Variants in PPME1 observed in about 807,000 individuals in gnomAD.
The protein encoded by PPME1 is testicular secretory protein Li 39.
A neutral mutation model predicts 56.9 loss-of-function variants in PPME1; 17 were observed. The observed-to-expected ratio is 0.30, with a 90% CI of 0.20 to 0.45. PPME1 has a LOEUF of 0.45. Ranked by LOEUF, PPME1 falls within the 20% of genes least tolerant of loss-of-function variation. The pLI is 1.00. For synonymous variants in PPME1, 122 were observed against 156.2 expected, an observed-to-expected ratio of 0.78 and a Z score of 1.63; for missense variants, 357 against 483.2, an observed-to-expected ratio of 0.74 and a Z score of 2.45.
intron 1 of PPME1, among the ~76,000 whole-genome samples, chr11:74,202,753 A>G (rs1000792206): frequency 6.6e-6 from 1 of 152,158 alleles, no homozygotes; most frequent in African/African-American, 2.4e-5. Flanking sequence ...ATATTTTTTA[A>G]TAATACATGA....
At chr11:74,240,428 CAA>C (rs1001951538) in intron 9 of PPME1, among the ~76,000 whole-genome samples, 1 of 152,116 alleles carries the variant, frequency 6.6e-6, no homozygotes, top group African/African-American at 2.4e-5. Flanking sequence ...GTAGTGGTAA[CAA>C]GTGCTTTTTT....
chr11:74,206,778 G>C (rs1183331650), intron 3 of PPME1, among the ~76,000 whole-genome samples: 1 of 152,054 alleles, frequency 6.6e-6, no homozygotes, highest in South Asian at 2.1e-4. Flanking sequence ...TGTTCCCCAG[G>C]GTGGTGTCAA....
chr11:74,197,563 T>C (rs1412610920), intron 1 of PPME1, among the ~76,000 whole-genome samples: 2 of 152,132 alleles, frequency 1.3e-5, no homozygotes, highest in African/African-American at 4.8e-5. Context: ...TCCCCTAACA[T>C]GAAGAAACTC....
In PPME1 at chr11:74,253,842, C is replaced by T. The variant is rs1056719964; in HGVS notation, c.*332C>T. The T allele has an allele frequency of 1.3e-5, 6 of 463,310 alleles. No homozygotes were observed. The highest frequency in any genetic ancestry group is 3.9e-5 in the African/African-American group (2 of 50,888). 28.7% of individuals were successfully genotyped at this position (463,310 alleles called of 1,614,324 possible). A position where few individuals can be genotyped will look rare whatever the true frequency, so the allele number is the denominator to read the frequency against. ...CTGAGCCCCTCTTCCTAGCATCAGG[C>T]GATACATCTGAGTTCAAATGTCTTC... is the stretch of plus-strand genomic sequence containing the variant. On this transcript the variant is annotated 3_prime_UTR_variant, in exon 14 of 14. Coordinates refer to ENST00000328257, the MANE Select transcript of PPME1 (RefSeq NM_016147.3).
At chr11:74,174,450 TA>T (rs992874162) in intron 1 of PPME1, among the ~76,000 whole-genome samples, 33 of 152,240 alleles carry the variant, frequency 2.2e-4, no homozygotes, top group Admixed American at 1.2e-3. Context: ...TATGTCTCCT[TA>T]TGCTTACTTG....
intron 7 of PPME1, among the ~76,000 whole-genome samples, chr11:74,235,162 T>C (rs1440152584): frequency 2.0e-5 from 3 of 152,212 alleles, no homozygotes; most frequent in African/African-American, 7.2e-5. Context: ...AAGAAGTGCT[T>C]TCTCCTAGTG....
chr11:74,214,786 G>T (rs756534099), intron 3 of PPME1, among the ~76,000 whole-genome samples: 20 of 152,030 alleles, frequency 1.3e-4, no homozygotes, highest in Non-Finnish European at 2.1e-4. Flanking sequence ...ACAAAAGCTG[G>T]AGGATTTCAT....
chr11:74,253,574 C>CT lies in PPME1; in HGVS notation c.*65dup, dbSNP rs1859760106. 5 of 1,521,784 alleles carry CT rather than the reference C, an allele frequency of 3.3e-6. No individual in the cohort carries two copies. The highest frequency in any genetic ancestry group is 1.7e-4 in the Middle Eastern group (1 of 5,918). 94.3% of individuals were successfully genotyped at this position (1,521,784 alleles called of 1,614,324 possible). A position where few individuals can be genotyped will look rare whatever the true frequency, so the allele number is the denominator to read the frequency against. On this transcript the variant is annotated 3_prime_UTR_variant, in exon 14 of 14. Coordinates refer to ENST00000328257, the MANE Select transcript of PPME1 (RefSeq NM_016147.3). ...TGTAAATACGTCGCACCAGAGGCCA[C>CT]TGTGATGCCACTGTCTCCTCTCCAT...
chr11:74,191,450 AACC>A (rs1402625770), intron 1 of PPME1, among the ~76,000 whole-genome samples: 1 of 152,234 alleles, frequency 6.6e-6, no homozygotes, highest in Non-Finnish European at 1.5e-5. Context: ...GCTTTGGAGT[AACC>A]ACTTACTAGA....
chr11:74,230,992 A>G lies in PPME1; in HGVS notation c.634A>G (p.Ile212Val), dbSNP rs183405413. 3.1e-5 allele frequency: 49 copies of G among 1,595,336 alleles called. No individual in the cohort carries two copies. In the Admixed American group the frequency reaches 3.5e-4, roughly 11 times the overall value. Residue 212 changes from isoleucine (I) to valine (V), a missense_variant, in exon 7 of 14, where the codon ATT becomes GTT. Coordinates refer to ENST00000328257, the MANE Select transcript of PPME1 (RefSeq NM_016147.3). This position sits in a 1 kb window ranked among gnomAD's most constrained non-coding sequence, Gnocchi z 4.9. ...AACCTTCAAGTCTCTGGAGAATGCT[A>G]TTGAATGGAGGTAACCAACAAATCT... ...PKTFKSLENA[I>V]EWSVKSGQIR...
Position 74,191,469 on chromosome 11 carries a change from T to G in PPME1, c.102-12259T>G, listed in dbSNP as rs75630010. Among the ~76,000 whole-genome samples the G allele has an allele frequency of 1.0e-3, 157 of 152,298 alleles. 3 individuals are homozygous for G. In the East Asian group the frequency reaches 0.027, roughly 26 times the overall value. On this transcript the variant is annotated intron_variant, in intron 1 of 13. Coordinates refer to ENST00000328257, the MANE Select transcript of PPME1 (RefSeq NM_016147.3). ...TGGAGTAACCACTTACTAGAGAGAT[T>G]TGCATGACTAAAAGGGAACCAATTG...
intron 4 of PPME1, among the ~76,000 whole-genome samples, chr11:74,224,617 C>T: frequency 7.3e-6 from 1 of 137,490 alleles, no homozygotes; most frequent in Admixed American, 7.2e-5. Flanking sequence ...TCTTTTATTT[C>T]CTTGAGCAGT....
At chr11:74,234,154 G>C (rs1005904974) in intron 7 of PPME1, among the ~76,000 whole-genome samples, 5 of 152,244 alleles carry the variant, frequency 3.3e-5, no homozygotes, top group Admixed American at 6.5e-5. Context: ...CAAGCAATTG[G>C]GTGAATGGTA....
chr11:74,220,098 A>G (rs1220111935), intron 3 of PPME1, among the ~76,000 whole-genome samples: 8 of 152,150 alleles, frequency 5.3e-5, no homozygotes, highest in African/African-American at 9.7e-5. Flanking sequence ...AAATTAGCCA[A>G]AATTAAGTTT....
chr11:74,251,822 C>A, intron 13 of PPME1, 107 bp downstream of exon 13: 2 of 1,370,112 alleles, frequency 1.5e-6, no homozygotes, highest in Non-Finnish European at 2.1e-6. Context: ...CTGGTTTGGT[C>A]ACCATGCCTT....
Position 74,230,853 on chromosome 11 carries a change from T to G in PPME1, c.554-59T>G. The G allele has an allele frequency of 8.0e-7, 1 of 1,243,142 alleles. No homozygotes were observed. The highest frequency in any genetic ancestry group is 1.2e-6 in the Non-Finnish European group (1 of 865,456). 77.0% of individuals were successfully genotyped at this position (1,243,142 alleles called of 1,614,324 possible). On this transcript the variant is annotated intron_variant, in intron 6 of 13. Coordinates refer to ENST00000328257, the MANE Select transcript of PPME1 (RefSeq NM_016147.3). The surrounding 1 kb of genome is among the most constrained non-coding windows in gnomAD (Gnocchi z 4.9). ...AGCAGATATATAGTAGTTGACTCAG[T>G]AAGTGTAAATGCTCAGAATAAGTTA...
chr11:74,185,068 C>T lies in PPME1; in HGVS notation c.101+13546C>T, dbSNP rs553432435. On this transcript the variant is annotated intron_variant, in intron 1 of 13. Transcript: ENST00000328257. ...AGGCTGGAGTGCAGTGGCGCAATCT[C>T]AGCTCACTGCAACCTCCACCTCCCG... 8.0e-5 allele frequency among the ~76,000 whole-genome samples: 11 copies of T among 137,430 alleles called. No homozygotes were observed. The South Asian group carries it at 2.7e-3, about 34-fold the overall frequency. The allele number at this position is 137,430 out of a possible 152,430, so 90.2% of individuals were successfully genotyped here.
intron 1 of PPME1, among the ~76,000 whole-genome samples, chr11:74,196,628 T>G (rs2135612021): frequency 7.3e-6 from 1 of 137,378 alleles, no homozygotes; most frequent in South Asian, 2.5e-4. Flanking sequence ...CAGTGCAAAG[T>G]AAAAGCAAGT....
At chr11:74,185,233 C>T (rs1345511168) in intron 1 of PPME1, among the ~76,000 whole-genome samples, 1 of 151,810 alleles carries the variant, frequency 6.6e-6, no homozygotes, top group East Asian at 1.9e-4. Flanking sequence ...CTCCTGACCT[C>T]GTGATCCACC....
Sources: gnomAD v4.1 joint callset for allele counts (sites outside exome capture counted in the v4.1 genomes callset) on GRCh38, gnomAD v4.1.1 for gene constraint, Gnocchi (gnomAD v3.1) non-coding constraint, MANE v1.5 for transcripts, NCBI Gene and HGNC (gene_info 2026-07-23, HGNC 2026-07-21) for gene names.